Variants in KCNJ1 observed in about 807,000 individuals in gnomAD.
KCNJ1 encodes ATP-sensitive inward rectifier potassium channel 1.
A neutral mutation model predicts 21.9 loss-of-function variants in KCNJ1; 24 were observed. The ratio of observed to expected loss-of-function variants is 1.10; its 90% CI spans 0.79 to 1.54. KCNJ1 has a LOEUF of 1.54. KCNJ1 is among the 40% of genes most tolerant of loss of function. KCNJ1 has a pLI of 0.00. For missense variants in KCNJ1, 457 were observed against 455.4 expected (o/e 1.00, Z -0.03); for synonymous variants, 152 against 160.9 (o/e 0.94, Z 0.42).
Position 128,839,488 on chromosome 11 carries a change from G to T in KCNJ1, c.756C>A (p.Val252=), listed in dbSNP as rs1943234433. The T allele has an allele frequency of 6.2e-7, 1 of 1,614,058 alleles. No individual in the cohort carries two copies. Among genetic ancestry groups the T allele is most frequent in the African/African-American group, 1.3e-5 (1 of 74,924 alleles). ...GGAAGAAAGGGCTGTTGTGATCAAT[G>T]ACATGGTAAATTGTCAATGGGGAGA... ...FFISPLTIYH[V]IDHNSPFFHM... The change falls in exon 3 of 3, where the codon GTC becomes GTA. Residue 252 remains valine (V), a synonymous_variant. Transcript: ENST00000392666.
At chr11:128,851,807 C>T (rs545720651) in intron 1 of KCNJ1, among the ~76,000 whole-genome samples, 1 of 152,308 alleles carries the variant, frequency 6.6e-6, no homozygotes, top group South Asian at 2.1e-4. Flanking sequence ...AAAAATTCAA[C>T]TAATGTCTTC....
intron 1 of KCNJ1, among the ~76,000 whole-genome samples, chr11:128,861,592 C>T (rs564318648): frequency 4.6e-5 from 7 of 152,264 alleles, no homozygotes; most frequent in Admixed American, 1.3e-4. Flanking sequence ...GAAACATACC[C>T]CTGCTCCTGG....
At chr11:128,862,225 A>G (rs1943727739) in intron 1 of KCNJ1, among the ~76,000 whole-genome samples, 1 of 151,972 alleles carries the variant, frequency 6.6e-6, no homozygotes. Context: ...GGGGAAGAAA[A>G]TCCGAGTGCG....
intron 1 of KCNJ1, among the ~76,000 whole-genome samples, chr11:128,856,865 C>T (rs1218853525): frequency 3.9e-5 from 6 of 152,116 alleles, no homozygotes. Flanking sequence ...GGCTACAAAA[C>T]TCGCCTGCTC....
chr11:128,845,891 C>A (rs542722604), intron 2 of KCNJ1, among the ~76,000 whole-genome samples: 3 of 152,092 alleles, frequency 2.0e-5, no homozygotes, highest in Non-Finnish European at 2.9e-5. Flanking sequence ...ACAGCAAGGG[C>A]CTTCCTAGGT....
Position 128,840,228 on chromosome 11 carries a change from G to A in KCNJ1, c.16C>T (p.Arg6Trp), listed in dbSNP as rs760558807. Residue 6 changes from arginine (R) to tryptophan (W), a missense_variant, in exon 3 of 3, where the codon CGG becomes TGG. Transcript: ENST00000392666. MFKHL[R>W]KWVVTRFFGH... Reference sequence around the variant, plus strand: ...AAAAAGCGAGTGACGACCCATTTCCGAAGATGTTTGAACATACTTTCTGTC... The same window carrying A: ...AAAAAGCGAGTGACGACCCATTTCCAAAGATGTTTGAACATACTTTCTGTC... 38 of 1,613,960 alleles carry A rather than the reference G, an allele frequency of 2.4e-5. No homozygotes were observed. The highest frequency in any genetic ancestry group is 8.0e-5 in the African/African-American group (6 of 74,876).
At chr11:128,853,764 C>G (rs770654205) in intron 1 of KCNJ1, among the ~76,000 whole-genome samples, 1 of 152,252 alleles carries the variant, frequency 6.6e-6, no homozygotes, top group African/African-American at 2.4e-5. Context: ...CTTCCCCATG[C>G]CTTTGGGCCC....
rs751826212 is a variant in KCNJ1, at chr11:128,840,164, T to C, written c.80A>G (p.Asp27Gly). Residue 27 changes from aspartate to glycine, a missense_variant, in exon 3 of 3, where the codon GAT becomes GGT. Transcript: ENST00000392666. ...SRQRARLVSK[D>G]GRCNIEFGNV... is the part of the protein sequence containing the mutation. ...GCCAAATTCTATGTTGCACCTTCCA[T>C]CTTTGGAGACTAGCCTTGCTCTTTG... The C allele has an allele frequency of 2.4e-5, 38 of 1,614,178 alleles. No homozygotes were observed. In the Middle Eastern group the frequency reaches 6.6e-4, roughly 28 times the overall value.
At chr11:128,842,752 C>T (rs1218624900) in intron 2 of KCNJ1, among the ~76,000 whole-genome samples, 2 of 152,198 alleles carry the variant, frequency 1.3e-5, no homozygotes, top group Admixed American at 1.3e-4. Flanking sequence ...CTTGGCCACG[C>T]TCTATCGCTC....
At chr11:128,849,030 A>G (rs1943434519) in intron 2 of KCNJ1, among the ~76,000 whole-genome samples, 1 of 152,212 alleles carries the variant, frequency 6.6e-6, no homozygotes, top group Non-Finnish European at 1.5e-5. Flanking sequence ...GCACGATGCC[A>G]GCGGTGCCCC....
intron 2 of KCNJ1, chr11:128,842,291 T>G (rs936577505): frequency 1.4e-6 from 2 of 1,386,092 alleles, no homozygotes; most frequent in Admixed American, 1.7e-5. Context: ...GATTGATCAC[T>G]TGAATAACGT....
At chr11:128,866,407 A>G in intron 1 of KCNJ1, 2 of 208,740 alleles carry the variant, frequency 9.6e-6, no homozygotes, top group Non-Finnish European at 1.7e-5. Context: ...CCCAGCTAAA[A>G]GGAGAAAAAT....
intron 1 of KCNJ1, among the ~76,000 whole-genome samples, chr11:128,861,530 G>A (rs1943707683): frequency 6.6e-6 from 1 of 152,164 alleles, no homozygotes; most frequent in Non-Finnish European, 1.5e-5. Context: ...ATAGACCCAG[G>A]CAACCTGAAG....
chr11:128,851,626 G>C (rs758687642), intron 1 of KCNJ1, among the ~76,000 whole-genome samples: 7 of 152,188 alleles, frequency 4.6e-5, no homozygotes, highest in Non-Finnish European at 8.8e-5. Flanking sequence ...TTCTAGTTCT[G>C]TGTGGTTTGG....
At chr11:128,852,650 T>C (rs1943496499) in intron 1 of KCNJ1, among the ~76,000 whole-genome samples, 1 of 152,248 alleles carries the variant, frequency 6.6e-6, no homozygotes, top group Non-Finnish European at 1.5e-5. Context: ...TGCTGGAGTC[T>C]TCTCACTGGG....
At chr11:128,851,025 C>T in intron 1 of KCNJ1, 135 bp from the exon 2 acceptor site, 1 of 279,570 alleles carries the variant, frequency 3.6e-6, no homozygotes, top group Non-Finnish European at 5.4e-6. Context: ...GAAAGGTCAG[C>T]TTGGGCTCCA....
chr11:128,842,490 T>A, intron 2 of KCNJ1: 2 of 1,611,080 alleles, frequency 1.2e-6, no homozygotes, highest in Non-Finnish European at 1.7e-6. Context: ...AGACTCAGCC[T>A]AATTTATTGT....
At chr11:128,857,946 C>T (rs1020506452) in intron 1 of KCNJ1, among the ~76,000 whole-genome samples, 4 of 152,002 alleles carry the variant, frequency 2.6e-5, no homozygotes, top group East Asian at 3.8e-4. Context: ...TTAAAAACTA[C>T]CTAATTTTAG....
At chr11:128,846,372 C>G (rs969059079) in intron 2 of KCNJ1, among the ~76,000 whole-genome samples, 13 of 152,148 alleles carry the variant, frequency 8.5e-5, no homozygotes, top group African/African-American at 2.4e-4. Context: ...ATTATTATAA[C>G]TGGTTCCCAA....
Sources: allele counts gnomAD v4.1 joint callset (sites outside exome capture counted in the v4.1 genomes callset), GRCh38; gene constraint gnomAD v4.1.1; transcripts MANE v1.5; gene names NCBI Gene and HGNC (gene_info 2026-07-23, HGNC 2026-07-21).